Variants in RALGAPA1 observed in about 807,000 individuals in gnomAD.
The protein encoded by RALGAPA1 is ral GTPase-activating protein subunit alpha-1.
RALGAPA1 carries 52 observed loss-of-function variants against 269.6 expected under a neutral mutation model. That is an observed-to-expected ratio of 0.19 (90% CI 0.15 to 0.24). RALGAPA1 has a LOEUF of 0.24. RALGAPA1 is among the 10% of genes least tolerant of loss of function. The probability of loss-of-function intolerance (pLI) is 1.00; values close to 1 mark genes in which losing one functional copy is unlikely to be tolerated. For synonymous variants in RALGAPA1, 817 were observed against 1,008.3 expected (o/e 0.81, Z 3.60); for missense variants, 1,917 against 3,013.9 (o/e 0.64, Z 8.52).
chr14:35,582,123 A>G (rs2057988113), intron 37 of RALGAPA1, among the ~76,000 whole-genome samples: 1 of 152,226 alleles, frequency 6.6e-6, no homozygotes, highest in African/African-American at 2.4e-5. Context: ...AACAGGCACA[A>G]AAGGACACAT....
At chr14:35,598,215 T>C (rs563745643) in intron 36 of RALGAPA1, among the ~76,000 whole-genome samples, 13 of 152,270 alleles carry the variant, frequency 8.5e-5, no homozygotes, top group African/African-American at 2.9e-4. Flanking sequence ...CACATGTATT[T>C]AGCATTGCTA....
intron 4 of RALGAPA1, chr14:35,766,286 T>C (rs1366517190): frequency 2.3e-6 from 2 of 875,410 alleles, no homozygotes; most frequent in East Asian, 2.4e-5. Context: ...TGGCTGAACA[T>C]GACCCTACGG....
chr14:35,678,713 C>T (rs1270761285), intron 21 of RALGAPA1, among the ~76,000 whole-genome samples: 3 of 152,148 alleles, frequency 2.0e-5, no homozygotes, highest in Non-Finnish European at 2.9e-5. Flanking sequence ...CTTGCCTCCC[C>T]ACAACCCACC....
chr14:35,680,850 G>A (rs987810512), intron 21 of RALGAPA1, among the ~76,000 whole-genome samples: 5 of 151,504 alleles, frequency 3.3e-5, no homozygotes, highest in Middle Eastern at 3.4e-3. Flanking sequence ...TCCTGACCTC[G>A]TGATCCACCC....
intron 37 of RALGAPA1, among the ~76,000 whole-genome samples, chr14:35,576,267 G>C (rs1305538674): frequency 6.6e-6 from 1 of 152,170 alleles, no homozygotes; most frequent in Non-Finnish European, 1.5e-5. Context: ...ATTACTTTCT[G>C]CATTTTAAAA....
At chr14:35,780,817 T>C (rs969636394) in intron 1 of RALGAPA1, among the ~76,000 whole-genome samples, 14 of 152,136 alleles carry the variant, frequency 9.2e-5, no homozygotes, top group Non-Finnish European at 1.6e-4. Context: ...ATTGGCTGGG[T>C]GCGTTGGTTC....
At chr14:35,554,785 T>C (rs1279713380) in intron 39 of RALGAPA1, among the ~76,000 whole-genome samples, 1 of 152,214 alleles carries the variant, frequency 6.6e-6, no homozygotes, top group Non-Finnish European at 1.5e-5. Context: ...ATGATCCATT[T>C]TGTGGTTACA....
In RALGAPA1 at chr14:35,727,310, C is replaced by CATATATAT. The variant is rs34288628; in HGVS notation, c.1736+1044_1736+1051dup. ...ACAGGACTGGTTAAGAAAATTATGG[C>CATATATAT]ATATATATATATATATATATATATA... On this transcript the variant is annotated intron_variant, in intron 13 of 41. Transcript: ENST00000680220. Among the ~76,000 whole-genome samples, 645 of 104,418 alleles carry CATATATAT rather than the reference C, an allele frequency of 6.2e-3. 8 individuals carry two copies. The highest frequency in any genetic ancestry group is 0.02 in the Middle Eastern group (4 of 198). The allele number at this position is 104,418 out of a possible 152,430, so 68.5% of individuals were successfully genotyped here.
rs142400935 is a variant in RALGAPA1 at position 35,557,686 on chromosome 14, A to G, written c.7497-8452T>C. On this transcript the variant is annotated intron_variant, in intron 39 of 41. Transcript: ENST00000680220. The stretch of plus-strand genomic sequence containing the variant: ...TTTTTGAAATACTGCACTGGTGCCC[A>G]TTTACTAAAATTACTTAAGAGAACA... Among the ~76,000 whole-genome samples, 576 of 152,288 alleles carry G rather than the reference A, an allele frequency of 3.8e-3. 3 individuals carry two copies. The highest frequency in any genetic ancestry group is 0.013 in the African/African-American group (530 of 41,574).
intron 21 of RALGAPA1, among the ~76,000 whole-genome samples, chr14:35,681,991 C>A (rs12890516): frequency 6.6e-6 from 1 of 151,916 alleles, no homozygotes; most frequent in Admixed American, 6.6e-5. Context: ...AATTCTGTTT[C>A]ATTACTGAGT....
At chr14:35,779,317 G>C (rs1170610214) in intron 1 of RALGAPA1, among the ~76,000 whole-genome samples, 1 of 152,050 alleles carries the variant, frequency 6.6e-6, no homozygotes, top group Non-Finnish European at 1.5e-5. Flanking sequence ...TTTGAGGCCA[G>C]GAGTTTGAGA....
In RALGAPA1 at chr14:35,784,450, C is replaced by T. The variant is rs548016363; in HGVS notation, c.107-8705G>A. Among the ~76,000 whole-genome samples, 7 of 152,124 alleles carry T rather than the reference C, an allele frequency of 4.6e-5. No individual in the cohort carries two copies. In the East Asian group the frequency reaches 1.3e-3, roughly 29 times the overall value. The stretch of plus-strand genomic sequence containing the variant: ...GAGATGGAAAGTATCTAATGGCTGG[C>T]AGGGGCAGGAAGTAAGGAGAAATGG... On this transcript the variant is annotated intron_variant, in intron 1 of 41. Coordinates refer to ENST00000680220, the MANE Select transcript of RALGAPA1 (RefSeq NM_001346249.2).
In RALGAPA1 at chr14:35,665,175, A is replaced by C. The variant is rs149373353; in HGVS notation, c.5203-408T>G. The stretch of plus-strand genomic sequence containing the variant: ...ATTACCAAGGATGAATAAAGAAGAA[A>C]AAGCATTAACTATATGAAAGAGGAA... On this transcript the variant is annotated intron_variant, in intron 26 of 41. Coordinates refer to ENST00000680220, the MANE Select transcript of RALGAPA1 (RefSeq NM_001346249.2). Among the ~76,000 whole-genome samples, 408 of 152,344 alleles carry C rather than the reference A, an allele frequency of 2.7e-3. 2 individuals carry two copies. Among genetic ancestry groups the C allele is most frequent in the African/African-American group, 7.1e-3 (294 of 41,590 alleles).
At chr14:35,564,036 T>G (rs921390945) in intron 39 of RALGAPA1, among the ~76,000 whole-genome samples, 1 of 152,166 alleles carries the variant, frequency 6.6e-6, no homozygotes, top group Non-Finnish European at 1.5e-5. Context: ...TGTACTTAGG[T>G]TTGCATTTTA....
intron 37 of RALGAPA1, 65 bp downstream of exon 37, chr14:35,595,569 G>A (rs1046094509): frequency 2.3e-5 from 32 of 1,362,246 alleles, no homozygotes; most frequent in South Asian, 1.9e-4. Context: ...TCTTACTTAC[G>A]TATTTTCTGT....
intron 10 of RALGAPA1, among the ~76,000 whole-genome samples, chr14:35,743,071 T>C (rs1229716298): frequency 6.6e-6 from 1 of 151,986 alleles, no homozygotes; most frequent in Non-Finnish European, 1.5e-5. Flanking sequence ...GTGTACAGTT[T>C]TGGGATATGG....
intron 16 of RALGAPA1, among the ~76,000 whole-genome samples, chr14:35,713,060 A>G (rs1057412349): frequency 2.6e-5 from 4 of 152,244 alleles, no homozygotes; most frequent in African/African-American, 9.6e-5. Context: ...GCAATAAAAG[A>G]CCACTGAAAA....
At chr14:35,632,860 A>T (rs2139699518) in intron 33 of RALGAPA1, among the ~76,000 whole-genome samples, 1 of 152,282 alleles carries the variant, frequency 6.6e-6, no homozygotes, top group Middle Eastern at 3.4e-3. Context: ...GGGCACAATG[A>T]TCACTCATTT....
chr14:35,576,244 G>T (rs929815373), intron 37 of RALGAPA1, among the ~76,000 whole-genome samples: 4 of 152,184 alleles, frequency 2.6e-5, no homozygotes, highest in African/African-American at 9.7e-5. Context: ...TCTTCCTTCA[G>T]TCTGTTCAAT....
Sources: allele counts gnomAD v4.1 joint callset (sites outside exome capture counted in the v4.1 genomes callset), GRCh38; gene constraint gnomAD v4.1.1; transcripts MANE v1.5; gene names NCBI Gene and HGNC (gene_info 2026-07-23, HGNC 2026-07-21).